CYTH3: variants seen among roughly 807,000 people sequenced by gnomAD.
CYTH3 encodes cytohesin 3, also known as cytohesin-3.
Under a neutral mutation model 55.1 loss-of-function variants are expected in CYTH3, and 23 were observed. The ratio of observed to expected loss-of-function variants is 0.42; its 90% CI spans 0.30 to 0.59. The LOEUF (loss-of-function observed/expected upper bound fraction) is 0.59. Among genes scored for constraint, CYTH3 ranks in the 20% least tolerant of loss-of-function variants. CYTH3 has a pLI of 0.20. For missense variants in CYTH3, 413 were observed against 524.8 expected (o/e 0.79, Z 2.08); for synonymous variants, 249 against 194.9 (o/e 1.28, Z -2.31).
At chr7:6,256,834 G>C (rs530428997) in intron 1 of CYTH3, among the ~76,000 whole-genome samples, 2 of 152,208 alleles carry the variant, frequency 1.3e-5, no homozygotes, top group African/African-American at 4.8e-5. Flanking sequence ...TGTGGACTCT[G>C]CTCCCTCTGA....
intron 1 of CYTH3, among the ~76,000 whole-genome samples, chr7:6,259,339 T>C (rs1018756472): frequency 2.0e-5 from 3 of 152,210 alleles, no homozygotes; most frequent in African/African-American, 7.2e-5. Context: ...ATAGCCCTGT[T>C]GAGAGTTTAA....
intron 5 of CYTH3, among the ~76,000 whole-genome samples, chr7:6,176,919 C>T (rs996006891): frequency 6.6e-6 from 1 of 152,132 alleles, no homozygotes; most frequent in East Asian, 1.9e-4. Flanking sequence ...GTGTTTTTAT[C>T]GTGAAGGAGT....
intron 1 of CYTH3, among the ~76,000 whole-genome samples, chr7:6,256,715 T>C (rs537076308): frequency 6.6e-6 from 1 of 152,234 alleles, no homozygotes; most frequent in Admixed American, 6.5e-5. Flanking sequence ...TCTTTCCAGA[T>C]GAAAAAAATT....
At chr7:6,247,460 C>G (rs1779849800) in intron 1 of CYTH3, among the ~76,000 whole-genome samples, 1 of 151,994 alleles carries the variant, frequency 6.6e-6, no homozygotes, top group South Asian at 2.1e-4. Flanking sequence ...CCCATTGAAT[C>G]TGATTATTGT....
chr7:6,230,380 C>T (rs1779361691), intron 1 of CYTH3, among the ~76,000 whole-genome samples: 1 of 152,148 alleles, frequency 6.6e-6, no homozygotes, highest in Admixed American at 6.5e-5. Context: ...TCCCGTTCTA[C>T]CGCAGGGAAA....
intron 1 of CYTH3, among the ~76,000 whole-genome samples, chr7:6,261,432 C>G (rs997056386): frequency 6.6e-6 from 1 of 151,950 alleles, no homozygotes; most frequent in African/African-American, 2.4e-5. Flanking sequence ...AGTGATATTC[C>G]GGCCAGGTGA....
intron 1 of CYTH3, among the ~76,000 whole-genome samples, chr7:6,213,692 CT>C (rs1173888496): frequency 1.3e-5 from 2 of 151,982 alleles, no homozygotes; most frequent in African/African-American, 4.8e-5. Context: ...CTTTGGTGCT[CT>C]CTTCGGGTGT....
At chr7:6,256,375 T>C (rs1211203927) in intron 1 of CYTH3, among the ~76,000 whole-genome samples, 2 of 152,242 alleles carry the variant, frequency 1.3e-5, no homozygotes, top group African/African-American at 4.8e-5. Context: ...AGGACTAGGA[T>C]AGTGGACTTC....
chr7:6,164,861 T>TGCCACGCCTTCCGCGGAGGGGCC lies in CYTH3; in HGVS notation c.*60_*82dup. On this transcript the variant is annotated 3_prime_UTR_variant, in exon 13 of 13. Coordinates refer to ENST00000350796, the MANE Select transcript of CYTH3 (RefSeq NM_004227.4). ...TTGCACCGCAGGGCGACTGCCTCCC[T>TGCCACGCCTTCCGCGGAGGGGCC]GCCACGCCTTCCGCGGAGGGGCCGC... The TGCCACGCCTTCCGCGGAGGGGCC allele has an allele frequency of 6.7e-7, 1 of 1,487,892 alleles. No individual in the cohort carries two copies. The highest frequency in any genetic ancestry group is 9.4e-7 in the Non-Finnish European group (1 of 1,067,642). The allele number at this position is 1,487,892 out of a possible 1,614,324, so 92.2% of individuals were successfully genotyped here.
chr7:6,176,897 T>C (rs1018387967), intron 5 of CYTH3, among the ~76,000 whole-genome samples: 10 of 152,250 alleles, frequency 6.6e-5, no homozygotes, highest in African/African-American at 2.4e-4. Flanking sequence ...CATGCCTGTC[T>C]TAGCTTTTTA....
chr7:6,206,273 T>C (rs1784185381), intron 1 of CYTH3, among the ~76,000 whole-genome samples: 1 of 152,164 alleles, frequency 6.6e-6, no homozygotes, highest in Non-Finnish European at 1.5e-5. Flanking sequence ...GATTCAGCCA[T>C]CAAAATGAAG....
In CYTH3 at chr7:6,229,114, G is replaced by GA. The variant is rs1779322454; in HGVS notation, c.35-38584dup. The stretch of plus-strand genomic sequence containing the variant: ...AAACAGTGGAACAGAAGTAAAACCT[G>GA]AATTAGCCAAATAAAGTGTAGAGGA... On this transcript the variant is annotated intron_variant, in intron 1 of 12. Coordinates refer to ENST00000350796, the MANE Select transcript of CYTH3 (RefSeq NM_004227.4). Among the ~76,000 whole-genome samples the GA allele has an allele frequency of 2.0e-5, 3 of 152,122 alleles. No individual in the cohort carries two copies. In the South Asian group the frequency reaches 6.2e-4, roughly 32 times the overall value.
At chr7:6,213,916 G>A (rs1207379963) in intron 1 of CYTH3, among the ~76,000 whole-genome samples, 5 of 152,090 alleles carry the variant, frequency 3.3e-5, no homozygotes, top group Non-Finnish European at 5.9e-5. Context: ...GCCACATAAC[G>A]CATCAGAGCA....
intron 9 of CYTH3, 101 bp from the exon 10 acceptor site, chr7:6,165,911 A>G: frequency 1.7e-6 from 2 of 1,161,368 alleles, no homozygotes; most frequent in South Asian, 2.6e-5. Context: ...GTTTTCAGAA[A>G]GGCCACCAGG....
chr7:6,171,716 G>A lies in CYTH3; in HGVS notation c.450-402C>T, dbSNP rs534099561. 8.4e-6 allele frequency: 2 copies of A among 238,836 alleles called. No individual in the cohort carries two copies. The highest frequency in any genetic ancestry group is 2.2e-5 in the African/African-American group (1 of 45,502). The allele number at this position is 238,836 out of a possible 1,614,324, so 14.8% of individuals were successfully genotyped here. On this transcript the variant is annotated intron_variant, in intron 6 of 12. Transcript: ENST00000350796. The surrounding 1 kb of genome is among the most constrained non-coding windows in gnomAD (Gnocchi z 6.7). ...TTTCAGAACTCCCACACATAAGGCA[G>A]AGCCATAGCCCACAGGACGGTATCC...
chr7:6,272,410 G>GGGGGGGGGGGCCCCGCC, intron 1 of CYTH3, 64 bp downstream of exon 1: 1 of 1,216,618 alleles, frequency 8.2e-7, no homozygotes, highest in Non-Finnish European at 1.1e-6. Flanking sequence ...CCGCGCCCTC[G>GGGGGGGGGGGCCCCGCC]ACCCCCAGCC....
intron 3 of CYTH3, 81 bp downstream of exon 3, chr7:6,187,576 C>G (rs1783686729): frequency 7.9e-7 from 1 of 1,269,696 alleles, no homozygotes; most frequent in East Asian, 2.3e-5. Context: ...CACTCTCACC[C>G]CACTTTCTGC....
At chr7:6,219,601 C>A (rs1293413563) in intron 1 of CYTH3, among the ~76,000 whole-genome samples, 2 of 152,134 alleles carry the variant, frequency 1.3e-5, no homozygotes, top group African/African-American at 4.8e-5. Context: ...CCCCTCAACC[C>A]TCTCAGCAAA....
At chr7:6,269,912 C>T (rs1285351601) in intron 1 of CYTH3, among the ~76,000 whole-genome samples, 1 of 152,198 alleles carries the variant, frequency 6.6e-6, no homozygotes, top group Non-Finnish European at 1.5e-5. Flanking sequence ...TCTACCATAA[C>T]TACTGTTTGA....
Sources: gnomAD v4.1 joint callset for allele counts (sites outside exome capture counted in the v4.1 genomes callset) on GRCh38, gnomAD v4.1.1 for gene constraint, Gnocchi (gnomAD v3.1) non-coding constraint, MANE v1.5 for transcripts, NCBI Gene and HGNC (gene_info 2026-07-23, HGNC 2026-07-21) for gene names.